The following TMEM163 variants were observed in gnomAD, a reference collection of about 807,000 sequenced individuals.
The protein encoded by TMEM163 is transmembrane protein 163.
In TMEM163, 17 loss-of-function variants were observed where a neutral mutation model predicts 29.3. The ratio of observed to expected loss-of-function variants is 0.58; its 90% CI spans 0.40 to 0.87. The LOEUF (loss-of-function observed/expected upper bound fraction) is 0.87, where lower values mean the gene tolerates loss of function less well. TMEM163 is among the 40% of genes least tolerant of loss of function. TMEM163 has a pLI of 0.00. For synonymous variants in TMEM163, 157 were observed against 160.6 expected, an observed-to-expected ratio of 0.98 and a Z score of 0.17; for missense variants, 303 against 381.5, an observed-to-expected ratio of 0.79 and a Z score of 1.71.
intron 2 of TMEM163, among the ~76,000 whole-genome samples, chr2:134,650,391 T>C (rs1683442335): frequency 6.6e-6 from 1 of 152,126 alleles, no homozygotes; most frequent in South Asian, 2.1e-4. Flanking sequence ...TAGGTGATGA[T>C]ATAAATCAAA....
rs1363566475 is a variant in TMEM163 at position 134,670,013 on chromosome 2, G to C, written c.322+43187C>G. On this transcript the variant is annotated intron_variant, in intron 2 of 7. Transcript: ENST00000281924. ...TGGGCCAGAACCACCCAGATGAGGG[G>C]CTCCCAAACTCCTGCCCCACCGAAA... Among the ~76,000 whole-genome samples, 4 of 151,978 alleles carry C rather than the reference G, an allele frequency of 2.6e-5. No individual in the cohort carries two copies. The South Asian group carries it at 8.3e-4, about 32-fold the overall frequency.
chr2:134,681,816 T>A (rs1041770476), intron 2 of TMEM163, among the ~76,000 whole-genome samples: 1 of 152,218 alleles, frequency 6.6e-6, no homozygotes, highest in African/African-American at 2.4e-5. Context: ...AACAGCCTGA[T>A]GCCCACCTAC....
chr2:134,639,790 A>C (rs1402796235), intron 2 of TMEM163, among the ~76,000 whole-genome samples: 1 of 152,216 alleles, frequency 6.6e-6, no homozygotes, highest in Non-Finnish European at 1.5e-5. Flanking sequence ...AATGAAATTA[A>C]AATATTTTTT....
At chr2:134,643,063 A>G (rs934552491) in intron 2 of TMEM163, among the ~76,000 whole-genome samples, 10 of 152,082 alleles carry the variant, frequency 6.6e-5, no homozygotes, top group Admixed American at 2.6e-4. Flanking sequence ...TGAAACAAAA[A>G]GCTGATTATT....
At chr2:134,666,051 T>G (rs1683865554) in intron 2 of TMEM163, among the ~76,000 whole-genome samples, 1 of 152,330 alleles carries the variant, frequency 6.6e-6, no homozygotes, top group South Asian at 2.1e-4. Flanking sequence ...TACTGTCATC[T>G]GCAAATTAAC....
At chr2:134,593,258 C>T (rs1681979624) in intron 2 of TMEM163, among the ~76,000 whole-genome samples, 1 of 152,120 alleles carries the variant, frequency 6.6e-6, no homozygotes, top group Non-Finnish European at 1.5e-5. Context: ...GGAAAATATG[C>T]AAATTTCCTA....
intron 3 of TMEM163, among the ~76,000 whole-genome samples, chr2:134,551,353 A>G (rs746677306): frequency 6.6e-6 from 1 of 152,026 alleles, no homozygotes; most frequent in African/African-American, 2.4e-5. Context: ...AAGAATCTGC[A>G]ATGTCCCTAC....
At chr2:134,617,338 C>T (rs1369670354) in intron 2 of TMEM163, among the ~76,000 whole-genome samples, 1 of 152,074 alleles carries the variant, frequency 6.6e-6, no homozygotes, top group Non-Finnish European at 1.5e-5. Context: ...TGGCCAGGTG[C>T]ACTGGTTCAT....
chr2:134,611,071 G>GA (rs1480699451), intron 2 of TMEM163, among the ~76,000 whole-genome samples: 1 of 151,846 alleles, frequency 6.6e-6, no homozygotes, highest in East Asian at 1.9e-4. Context: ...AAGCATTTTG[G>GA]AAAAAAACCA....
At chr2:134,578,891 C>G (rs780822993) in intron 2 of TMEM163, among the ~76,000 whole-genome samples, 15 of 152,196 alleles carry the variant, frequency 9.9e-5, no homozygotes, top group Non-Finnish European at 1.8e-4. Flanking sequence ...CCAACAATCT[C>G]ACTAGATTCC....
Position 134,456,485 on chromosome 2 carries a change from G to GAGAC in TMEM163, c.*227_*230dup. On this transcript the variant is annotated 3_prime_UTR_variant, in exon 8 of 8. Coordinates refer to ENST00000281924, the MANE Select transcript of TMEM163 (RefSeq NM_030923.5). ...GACTAAAAAACGCCAGTCCCAGCTG[G>GAGAC]AGACGGGGAAGGAGGTCCATTCCTA... 1 of 562,900 alleles carries GAGAC rather than the reference G, an allele frequency of 1.8e-6. No homozygotes were observed. Among genetic ancestry groups the GAGAC allele is most frequent in the African/African-American group, 1.9e-5 (1 of 53,264 alleles). The allele number at this position is 562,900 out of a possible 1,614,324, so 34.9% of individuals were successfully genotyped here. A position where few individuals can be genotyped will look rare whatever the true frequency, so the allele number is the denominator to read the frequency against.
chr2:134,610,107 C>G (rs1479759968), intron 2 of TMEM163, among the ~76,000 whole-genome samples: 1 of 152,200 alleles, frequency 6.6e-6, no homozygotes, highest in African/African-American at 2.4e-5. Flanking sequence ...TTAGGAAGCA[C>G]AAGGAGATCC....
chr2:134,457,407 CT>C lies in TMEM163; in HGVS notation c.809+624del, dbSNP rs1264293992. 9.8e-5 allele frequency among the ~76,000 whole-genome samples: 15 copies of C among 152,366 alleles called. No individual in the cohort carries two copies. The East Asian group carries it at 2.9e-3, about 29-fold the overall frequency. On this transcript the variant is annotated intron_variant, in intron 7 of 7. Coordinates refer to ENST00000281924, the MANE Select transcript of TMEM163 (RefSeq NM_030923.5). ...GGGTTCCACTTTCGCCACGTCCTCACTGACGCTGGCAGTTGTCCCTCTTTTT... is the reference window on the plus strand; with the variant it reads ...GGGTTCCACTTTCGCCACGTCCTCACGACGCTGGCAGTTGTCCCTCTTTTT...
chr2:134,487,683 T>C (rs1463197924), intron 5 of TMEM163, among the ~76,000 whole-genome samples: 2 of 152,166 alleles, frequency 1.3e-5, no homozygotes, highest in African/African-American at 2.4e-5. Context: ...TAGAACAAAA[T>C]GGACCCACGC....
chr2:134,540,883 T>C (rs1020918737), intron 4 of TMEM163, among the ~76,000 whole-genome samples: 1 of 152,230 alleles, frequency 6.6e-6, no homozygotes, highest in African/African-American at 2.4e-5. Flanking sequence ...CAATTCTTTA[T>C]GAGCACCTAC....
chr2:134,490,135 T>C (rs899008098), intron 5 of TMEM163, among the ~76,000 whole-genome samples: 4 of 152,150 alleles, frequency 2.6e-5, no homozygotes, highest in Non-Finnish European at 5.9e-5. Flanking sequence ...TATAATGCAG[T>C]GTGCTGAGCT....
chr2:134,677,039 C>A (rs1449095327), intron 2 of TMEM163, among the ~76,000 whole-genome samples: 2 of 152,166 alleles, frequency 1.3e-5, no homozygotes, highest in Admixed American at 6.5e-5. Flanking sequence ...TGCAGCCCAC[C>A]CGAGAGAGAG....
intron 2 of TMEM163, among the ~76,000 whole-genome samples, chr2:134,610,593 C>T (rs1470329653): frequency 1.3e-5 from 2 of 152,078 alleles, no homozygotes; most frequent in African/African-American, 4.8e-5. Flanking sequence ...GGTCATAAGT[C>T]GATGGGATCC....
chr2:134,693,814 A>G (rs1239508774), intron 2 of TMEM163, among the ~76,000 whole-genome samples: 1 of 152,070 alleles, frequency 6.6e-6, no homozygotes, highest in Non-Finnish European at 1.5e-5. Flanking sequence ...AGGTCCAGAC[A>G]AGGTTGGCCA....
Sources: gnomAD v4.1 joint callset for allele counts (sites outside exome capture counted in the v4.1 genomes callset) on GRCh38, gnomAD v4.1.1 for gene constraint, MANE v1.5 for transcripts, NCBI Gene and HGNC (gene_info 2026-07-23, HGNC 2026-07-21) for gene names.